Variants in CCDC171 observed in about 807,000 individuals in gnomAD.
The protein encoded by CCDC171 is coiled-coil domain containing 171.
In CCDC171, 177 loss-of-function variants were observed where a neutral mutation model predicts 168.2. That is an observed-to-expected ratio of 1.05 (90% CI 0.93 to 1.19). CCDC171 has a LOEUF of 1.19. CCDC171 is among the 50% of genes most tolerant of loss of function. The pLI is 0.00. For synonymous variants in CCDC171, 687 were observed against 540.8 expected (o/e 1.27, Z -3.75); for missense variants, 1,991 against 1,539.0 (o/e 1.29, Z -4.91).
chr9:16,023,093 T>C (rs1833206357), intron 6 of CCDC171, among the ~76,000 whole-genome samples: 1 of 152,036 alleles, frequency 6.6e-6, no homozygotes, highest in Non-Finnish European at 1.5e-5. Flanking sequence ...TGGGGGTTCA[T>C]TGTATTCTTT....
At chr9:16,094,155 G>T in the CCDC171 span, among the ~76,000 whole-genome samples, 2 of 152,172 alleles carry the variant, frequency 1.3e-5, no homozygotes, top group Non-Finnish European at 2.9e-5. Flanking sequence ...CAGAGTGCAC[G>T]GTGGGCTGGA....
At position 15,623,463 on chromosome 9, in the gene CCDC171, A is replaced by ACGCGCGCGCGCGCGCGCGCGCG. The variant is rs144676393; in HGVS notation, c.822+50_822+51insCGCGCGCGCGCGCGCGCGCGCG. 43 of 636,446 alleles carry ACGCGCGCGCGCGCGCGCGCGCG rather than the reference A, an allele frequency of 6.8e-5. 2 individuals are homozygous for ACGCGCGCGCGCGCGCGCGCGCG. Among genetic ancestry groups the ACGCGCGCGCGCGCGCGCGCGCG allele is most frequent in the South Asian group, 1.1e-4 (6 of 52,640 alleles). 39.4% of individuals were successfully genotyped at this position (636,446 alleles called of 1,614,324 possible). ...TATATATGCGTACAAACTTTCACAT[A>ACGCGCGCGCGCGCGCGCGCGCG]TGCGCGCGCGCGCACACACACACAC... On this transcript the variant is annotated intron_variant, in intron 7 of 25. Transcript: ENST00000380701.
chr9:15,829,819 C>T lies in CCDC171; in HGVS notation c.3268-16883C>T, dbSNP rs114040841. Among the ~76,000 whole-genome samples the T allele has an allele frequency of 1.8e-3, 268 of 152,170 alleles. 2 individuals carry two copies. The highest frequency in any genetic ancestry group is 6.0e-3 in the African/African-American group (251 of 41,524). On this transcript the variant is annotated intron_variant, in intron 21 of 25. Coordinates refer to ENST00000380701, the MANE Select transcript of CCDC171 (RefSeq NM_173550.4). ...CCTATAGTCCAAGCTACTCAAGAAA[C>T]GGAGGCGGGAGGATCACCTGAGTCC...
intron 6 of CCDC171, among the ~76,000 whole-genome samples, chr9:15,618,169 T>C (rs1169137007): frequency 6.6e-6 from 1 of 152,188 alleles, no homozygotes; most frequent in African/African-American, 2.4e-5. Flanking sequence ...ATGAGAGTTT[T>C]ATCTGTAAGC....
chr9:15,947,514 G>A (rs1297901777), intron 25 of CCDC171, among the ~76,000 whole-genome samples: 1 of 151,998 alleles, frequency 6.6e-6, no homozygotes, highest in Non-Finnish European at 1.5e-5. Context: ...AATACATGTT[G>A]TAGCATAGTA....
chr9:16,037,307 A>C (rs956538408), intron 8 of CCDC171, among the ~76,000 whole-genome samples: 1 of 152,230 alleles, frequency 6.6e-6, no homozygotes, highest in South Asian at 2.1e-4. Flanking sequence ...TGGATGAATA[A>C]ATGTGATTCT....
At chr9:16,091,014 C>T in the CCDC171 span, among the ~76,000 whole-genome samples, 6 of 152,200 alleles carry the variant, frequency 3.9e-5, no homozygotes, top group African/African-American at 1.4e-4. Context: ...CCTCTGCCTA[C>T]TTGTGCCATT....
chr9:15,780,923 G>A (rs548568022), intron 20 of CCDC171, among the ~76,000 whole-genome samples: 6 of 151,918 alleles, frequency 3.9e-5, no homozygotes, highest in South Asian at 2.1e-4. Flanking sequence ...TTTTAAAAAC[G>A]AATTCTTTTG....
chr9:15,882,922 G>C (rs566841699), intron 24 of CCDC171, among the ~76,000 whole-genome samples: 1 of 149,820 alleles, frequency 6.7e-6, no homozygotes, highest in Non-Finnish European at 1.5e-5. Context: ...AATCTTGAGG[G>C]TAAAAATATA....
chr9:15,996,986 T>C (rs1315845816), intron 3 of CCDC171, among the ~76,000 whole-genome samples: 1 of 152,204 alleles, frequency 6.6e-6, no homozygotes, highest in Non-Finnish European at 1.5e-5. Context: ...GACCTCATAC[T>C]CTTTTATGAT....
At chr9:15,957,807 T>G (rs1013148093) in intron 25 of CCDC171, among the ~76,000 whole-genome samples, 1 of 152,190 alleles carries the variant, frequency 6.6e-6, no homozygotes, top group Non-Finnish European at 1.5e-5. Flanking sequence ...GAATGGACAC[T>G]GGCCAAGATA....
intron 18 of CCDC171, among the ~76,000 whole-genome samples, chr9:15,752,231 G>T (rs532467946): frequency 6.6e-6 from 1 of 152,120 alleles, no homozygotes; most frequent in Non-Finnish European, 1.5e-5. Flanking sequence ...TTAGAATGGC[G>T]ATCATGAAAA....
chr9:15,558,880 A>G (rs2039034972), intron 1 of CCDC171, among the ~76,000 whole-genome samples: 1 of 152,066 alleles, frequency 6.6e-6, no homozygotes, highest in African/African-American at 2.4e-5. Context: ...AGTGCTATAA[A>G]TTTCCCTCTA....
intron 6 of CCDC171, among the ~76,000 whole-genome samples, chr9:15,618,202 C>T (rs1274649798): frequency 6.6e-6 from 1 of 152,194 alleles, no homozygotes; most frequent in East Asian, 1.9e-4. Context: ...TGCTGCATAT[C>T]CTGCAGAGAT....
At chr9:15,654,358 G>A (rs1003665051) in intron 7 of CCDC171, among the ~76,000 whole-genome samples, 3 of 152,124 alleles carry the variant, frequency 2.0e-5, no homozygotes, top group African/African-American at 7.2e-5. Context: ...TCCTGAAGCA[G>A]GATTACTCCA....
At chr9:16,052,374 C>T (rs1405696860) in intron 1 of CCDC171, among the ~76,000 whole-genome samples, 5 of 152,142 alleles carry the variant, frequency 3.3e-5, no homozygotes, top group African/African-American at 1.2e-4. Flanking sequence ...GACTGTGGCT[C>T]ATCCGGGCTG....
chr9:15,988,254 G>T (rs1832060881), intron 3 of CCDC171, among the ~76,000 whole-genome samples: 1 of 152,086 alleles, frequency 6.6e-6, no homozygotes, highest in Admixed American at 6.5e-5. Context: ...TGATTAAAAG[G>T]CTACTGTACA....
intron 25 of CCDC171, among the ~76,000 whole-genome samples, chr9:15,920,809 G>A (rs1232909767): frequency 6.6e-6 from 1 of 151,592 alleles, no homozygotes; most frequent in African/African-American, 2.4e-5. Context: ...TAGAACATGT[G>A]ATTATTCTCT....
At chr9:15,900,205 A>G (rs895625377) in intron 24 of CCDC171, among the ~76,000 whole-genome samples, 2 of 152,148 alleles carry the variant, frequency 1.3e-5, no homozygotes, top group Admixed American at 1.3e-4. Flanking sequence ...ATTGTCCTGG[A>G]TGGGCCTGAC....
Sources: allele counts gnomAD v4.1 joint callset (sites outside exome capture counted in the v4.1 genomes callset), GRCh38; gene constraint gnomAD v4.1.1; transcripts MANE v1.5; gene names NCBI Gene and HGNC (gene_info 2026-07-23, HGNC 2026-07-21).